Variants in MCTP2 observed in about 807,000 individuals in gnomAD.
The protein encoded by MCTP2 is multiple C2 and transmembrane domain containing 2.
Under a neutral mutation model 111.6 loss-of-function variants are expected in MCTP2, and 132 were observed. The observed-to-expected ratio is 1.18, with a 90% CI of 1.03 to 1.37. MCTP2 has a LOEUF of 1.37. Ranked by LOEUF, MCTP2 falls within the 40% of genes most tolerant of loss-of-function variation. The pLI, the probability that MCTP2 is intolerant of heterozygous loss-of-function variation, is 0.00. For missense variants in MCTP2, 1,183 were observed against 1,067.9 expected (o/e 1.11, Z -1.50); for synonymous variants, 395 against 387.7 (o/e 1.02, Z -0.22).
intron 1 of MCTP2, chr15:94,274,080 A>G (rs2074057119): frequency 5.9e-6 from 1 of 170,704 alleles, no homozygotes; most frequent in Admixed American, 6.4e-5. Context: ...GCTTATCAAA[A>G]TGTCTCTGGA....
At chr15:94,290,110 A>C (rs1866064469) in intron 1 of MCTP2, among the ~76,000 whole-genome samples, 4 of 152,092 alleles carry the variant, frequency 2.6e-5, no homozygotes, top group Non-Finnish European at 5.9e-5. Flanking sequence ...AATTTTGCTA[A>C]GGCTGAGAAA....
intron 17 of MCTP2, among the ~76,000 whole-genome samples, chr15:94,421,223 A>C (rs1419905814): frequency 1.3e-5 from 2 of 152,030 alleles, no homozygotes; most frequent in Non-Finnish European, 2.9e-5. Flanking sequence ...ACTGTACTAG[A>C]CTGTAGCACA....
chr15:94,420,217 A>AT (rs1413459788), intron 17 of MCTP2, among the ~76,000 whole-genome samples: 6 of 152,060 alleles, frequency 3.9e-5, no homozygotes, highest in African/African-American at 1.4e-4. Flanking sequence ...GAAAAAAATG[A>AT]TTTTTTTCAA....
At chr15:94,307,133 C>T (rs1448193602) in intron 2 of MCTP2, among the ~76,000 whole-genome samples, 2 of 152,066 alleles carry the variant, frequency 1.3e-5, no homozygotes, top group African/African-American at 2.4e-5. Flanking sequence ...TGATGCAGAT[C>T]CAGACACTAG....
chr15:94,245,562 ATATATGTATATATACG>A (rs1157753056), intron 1 of MCTP2, among the ~76,000 whole-genome samples: 33 of 143,556 alleles, frequency 2.3e-4, no homozygotes, highest in African/African-American at 7.3e-4. Context: ...ATATGTATAC[ATATATGTATATATACG>A]TATATGTACA....
chr15:94,245,588 A>C (rs552134994), intron 1 of MCTP2, among the ~76,000 whole-genome samples: 5 of 145,160 alleles, frequency 3.4e-5, no homozygotes, highest in South Asian at 2.1e-4. Context: ...GTATATGTAC[A>C]TATACGTATA....
chr15:94,407,654 T>C (rs1309366610), intron 17 of MCTP2, among the ~76,000 whole-genome samples: 1 of 152,138 alleles, frequency 6.6e-6, no homozygotes, highest in African/African-American at 2.4e-5. Flanking sequence ...ATTTAACATA[T>C]ATAGAATTTT....
At chr15:94,290,623 T>TA (rs1205850518) in intron 1 of MCTP2, among the ~76,000 whole-genome samples, 1 of 152,174 alleles carries the variant, frequency 6.6e-6, no homozygotes, top group Admixed American at 6.5e-5. Flanking sequence ...AGACTGGATT[T>TA]AAAAAAATGT....
intron 17 of MCTP2, among the ~76,000 whole-genome samples, chr15:94,421,858 T>C (rs1227496905): frequency 6.6e-6 from 1 of 152,170 alleles, no homozygotes; most frequent in African/African-American, 2.4e-5. Flanking sequence ...AGGATGTGGG[T>C]GCCTATTTGG....
At chr15:94,466,477 T>G (rs1277921625) in intron 20 of MCTP2, among the ~76,000 whole-genome samples, 1 of 152,196 alleles carries the variant, frequency 6.6e-6, no homozygotes, top group Non-Finnish European at 1.5e-5. Context: ...TAGCATAAAC[T>G]GAAATGATAG....
At chr15:94,410,975 C>A (rs1465115778) in intron 17 of MCTP2, among the ~76,000 whole-genome samples, 1 of 152,172 alleles carries the variant, frequency 6.6e-6, no homozygotes, top group Non-Finnish European at 1.5e-5. Flanking sequence ...TAACTAGTAG[C>A]AAAATGGCCA....
At chr15:94,297,427 T>C (rs937798794) in intron 1 of MCTP2, among the ~76,000 whole-genome samples, 1 of 152,192 alleles carries the variant, frequency 6.6e-6, no homozygotes, top group Non-Finnish European at 1.5e-5. Context: ...TATGGGAATT[T>C]TGTCATTTCT....
At chr15:94,336,914 T>A (rs1435057373) in intron 4 of MCTP2, among the ~76,000 whole-genome samples, 2 of 151,998 alleles carry the variant, frequency 1.3e-5, no homozygotes, top group Non-Finnish European at 2.9e-5. Flanking sequence ...GGAGGCACCG[T>A]CTCTGGACTC....
chr15:94,457,333 A>G (rs1383144179), intron 19 of MCTP2, among the ~76,000 whole-genome samples: 1 of 152,228 alleles, frequency 6.6e-6, no homozygotes, highest in Admixed American at 6.5e-5. Flanking sequence ...AGTAACCTGC[A>G]TAACTGTTAG....
At chr15:94,441,881 G>A (rs976595499) in intron 18 of MCTP2, among the ~76,000 whole-genome samples, 1 of 152,132 alleles carries the variant, frequency 6.6e-6, no homozygotes, top group Non-Finnish European at 1.5e-5. Flanking sequence ...TTGTGAATAG[G>A]TTAGTTCCCC....
chr15:94,472,745 G>A (rs1202729753), intron 21 of MCTP2, among the ~76,000 whole-genome samples: 1 of 152,158 alleles, frequency 6.6e-6, no homozygotes, highest in South Asian at 2.1e-4. Flanking sequence ...CAATCACCAC[G>A]TGATCTATTG....
chr15:94,245,298 T>A (rs184184409), intron 1 of MCTP2, among the ~76,000 whole-genome samples: 37 of 140,920 alleles, frequency 2.6e-4, no homozygotes, highest in Admixed American at 1.9e-3. Context: ...ATGTATATAT[T>A]TATATACATA....
intron 17 of MCTP2, among the ~76,000 whole-genome samples, chr15:94,437,993 A>G (rs992623248): frequency 1.3e-5 from 2 of 152,134 alleles, no homozygotes; most frequent in Non-Finnish European, 2.9e-5. Context: ...TAAAGATCAT[A>G]CACAGTCATC....
At chr15:94,472,309 G>A (rs186002102) in intron 21 of MCTP2, among the ~76,000 whole-genome samples, 10 of 152,238 alleles carry the variant, frequency 6.6e-5, no homozygotes, top group East Asian at 5.8e-4. Flanking sequence ...TCCGGGAGGC[G>A]GAAGTTGCAG....
Sources: allele counts gnomAD v4.1 joint callset (sites outside exome capture counted in the v4.1 genomes callset), GRCh38; gene constraint gnomAD v4.1.1; transcripts MANE v1.5; gene names NCBI Gene and HGNC (gene_info 2026-07-23, HGNC 2026-07-21).